The following WDR45 variants were observed in gnomAD, a reference collection of about 807,000 sequenced individuals.
The protein encoded by WDR45 is WD repeat domain phosphoinositide-interacting protein 4.
Under a neutral mutation model 27.3 loss-of-function variants are expected in WDR45, and 2 were observed. The observed-to-expected ratio is 0.07, with a 90% CI of 0.03 to 0.23. The LOEUF is 0.23. WDR45 is among the 10% of genes least tolerant of loss of function. The pLI is 1.00. For synonymous variants in WDR45, 99 were observed against 119.2 expected (o/e 0.83, Z 1.11); for missense variants, 175 against 311.9 (o/e 0.56, Z 3.31).
rs781935140 is a variant in WDR45 at position 49,075,893 on chromosome X, T to C, written c.489A>G (p.Gly163=). 1 of 1,207,589 alleles carries C rather than the reference T, an allele frequency of 8.3e-7. No individual in the cohort carries two copies. The highest frequency in any genetic ancestry group is 1.1e-6 in the Non-Finnish European group (1 of 894,543). The change falls in exon 7 of 11, where the codon GGA becomes GGG. Residue 163 remains glycine (G), a synonymous_variant. Transcript: ENST00000376372. The stretch of plus-strand genomic sequence containing the variant: ...CAAGTTGCAGACTCCCACACTTGTG[T>C]CCCGGGAACACTAGCAGTTGCTTCT... ...SLEKQLLVFP[G]HKCGSLQLVD... is the part of the protein sequence containing the mutation.
At chrX:49,095,422 CCTGAGT>C (rs1450047389) in intron 2 of WDR45, among the ~76,000 whole-genome samples, 2 of 109,298 alleles carry the variant, frequency 1.8e-5, no homozygotes, top group African/African-American at 6.6e-5. Context: ...GGGCGAGCCT[CCTGAGT>C]AGCTGAGACT....
chrX:49,078,091 G>C lies in WDR45; in HGVS notation c.5C>G (p.Thr2Ser). Residue 2 changes from threonine to serine, a missense_variant, in exon 2 of 11, where the codon ACT (threonine) becomes AGT (serine). Physicochemically the swap from Thr to Ser is moderately conservative, Grantham distance 58. This residue lies in a region of WDR45 where 102 missense variants were observed against 165.4 expected (regional missense o/e 0.62). Transcript: ENST00000376372. ...GGTCACTCCTCGAAGTGGCTGTTGA[G>C]TCATGGTGCAGGATTGTTCCTCTGC... M[T>S]QQPLRGVTSL... is the part of the protein sequence containing the mutation. 8.3e-7 allele frequency: 1 copy of C among 1,211,826 alleles called. No individual in the cohort carries two copies.
chrX:49,087,849 A>G (rs1364125502), intron 2 of WDR45, among the ~76,000 whole-genome samples: 5 of 112,642 alleles, frequency 4.4e-5, no homozygotes, highest in Non-Finnish European at 9.4e-5. Flanking sequence ...GTGAGCCATG[A>G]TTGTGCCACT....
intron 3 of WDR45, 39 bp from the exon 4 acceptor site, chrX:49,077,786 A>G (rs1200470291): frequency 8.3e-7 from 1 of 1,202,671 alleles, no homozygotes; most frequent in Non-Finnish European, 1.1e-6. Flanking sequence ...GTGGGAGCCA[A>G]CGCCCAGCCC....
chrX:49,100,812 A>G (rs782234737), intron 1 of WDR45: 2 of 113,064 alleles, frequency 1.8e-5, no homozygotes, highest in Non-Finnish European at 3.7e-5. Flanking sequence ...CTGTATCCAG[A>G]GACCACAGAG....
intron 2 of WDR45, among the ~76,000 whole-genome samples, chrX:49,096,734 A>AG (rs1185835061): frequency 8.9e-6 from 1 of 112,159 alleles, no homozygotes; most frequent in East Asian, 2.8e-4. Flanking sequence ...ATGAGCCACC[A>AG]GGCTTGGCAA....
chrX:49,088,495 G>A (rs1040683123), intron 2 of WDR45, among the ~76,000 whole-genome samples: 3 of 111,785 alleles, frequency 2.7e-5, no homozygotes, highest in Non-Finnish European at 1.9e-5. Flanking sequence ...AAAAGTGAAG[G>A]CTAAGGCACA....
upstream of WDR45, among the ~76,000 whole-genome samples, chrX:49,084,048 T>A (rs2065078339): frequency 9.6e-6 from 1 of 104,674 alleles, no homozygotes; most frequent in South Asian, 4.2e-4. Flanking sequence ...TTCTTTTTCT[T>A]TTTTCTTTTT....
chrX:49,075,511 G>T (rs2147815260), intron 8 of WDR45, 34 bp downstream of exon 8: 1 of 1,210,293 alleles, frequency 8.3e-7, no homozygotes, highest in Non-Finnish European at 1.1e-6. Context: ...TGTGGTATGG[G>T]GTCACCAGCC....
In WDR45 at chrX:49,074,533, C is replaced by T. The variant is rs934460959; in HGVS notation, c.*270G>A. On this transcript the variant is annotated 3_prime_UTR_variant, in exon 11 of 11. Transcript: ENST00000376372. ...AAAATCCCCAGGTTGGATTAGGGCA[C>T]TCCCTCTGGGTCCCTGGCAATTTCC... is the stretch of plus-strand genomic sequence containing the variant. 5 of 386,805 alleles carry T rather than the reference C, an allele frequency of 1.3e-5. No individual in the cohort carries two copies. Among genetic ancestry groups the T allele is most frequent in the African/African-American group, 7.7e-5 (3 of 39,215 alleles). The allele number at this position is 386,805 out of a possible 1,213,427, so 31.9% of individuals were successfully genotyped here. A position where few individuals can be genotyped will look rare whatever the true frequency, so the allele number is the denominator to read the frequency against.
chrX:49,095,499 T>C lies in WDR45; in HGVS notation c.-18+4706A>G, dbSNP rs782764948. ...TTTTTGAGATGGAGTCTTGCTCTGT[T>C]GTCCAGGCTGGAGTGCAGTGGCACG... On this transcript the variant is annotated intron_variant, in intron 2 of 11. Coordinates refer to the WDR45 transcript ENST00000356463. 1.3e-4 allele frequency among the ~76,000 whole-genome samples: 14 copies of C among 109,791 alleles called. No homozygotes were observed. In the East Asian group the frequency reaches 2.0e-3, roughly 16 times the overall value.
At chrX:49,100,225 TTTC>T (rs1467624588) in exon 2 of WDR45, 1 of 110,213 alleles carries the variant, frequency 9.1e-6, no homozygotes, top group Non-Finnish European at 1.9e-5. Context: ...AATGTAACAA[TTTC>T]TTTTCTTTCT....
chrX:49,076,366 TCTCTGCCC>T, intron 6 of WDR45, 56 bp downstream of exon 6: 1 of 1,111,619 alleles, frequency 9.0e-7, no homozygotes, highest in Non-Finnish European at 1.2e-6. Context: ...TCTTTCCTCA[TCTCTGCCC>T]CTCTGCCCCA....
chrX:49,090,032 A>C (rs1825206089), intron 2 of WDR45, among the ~76,000 whole-genome samples: 1 of 109,824 alleles, frequency 9.1e-6, no homozygotes, highest in Non-Finnish European at 1.9e-5. Context: ...GGTAATGGCT[A>C]TGGGGTTTCC....
At chrX:49,093,407 A>C (rs2065114125) in intron 2 of WDR45, among the ~76,000 whole-genome samples, 1 of 110,811 alleles carries the variant, frequency 9.0e-6, no homozygotes, top group African/African-American at 3.3e-5. Context: ...CTGGGATTAC[A>C]GGCTTGAGCC....
At chrX:49,076,143 A>C (rs1326073598) in intron 6 of WDR45, 198 bp from the exon 7 acceptor site, 1 of 466,950 alleles carries the variant, frequency 2.1e-6, no homozygotes, top group Non-Finnish European at 3.7e-6. Context: ...GGAATCTAGT[A>C]AGCTGCTATC....
upstream of WDR45, among the ~76,000 whole-genome samples, chrX:49,081,597 C>T (rs1275469426): frequency 9.3e-6 from 1 of 107,333 alleles, no homozygotes; most frequent in Non-Finnish European, 1.9e-5. Flanking sequence ...GAGGCTGAGG[C>T]AGGAGAACCA....
chrX:49,099,556 C>A (rs781931931), intron 2 of WDR45, among the ~76,000 whole-genome samples: 1 of 110,228 alleles, frequency 9.1e-6, no homozygotes, highest in Non-Finnish European at 1.9e-5. Context: ...CTGAGGCAGG[C>A]GGATCACGAG....
intron 2 of WDR45, among the ~76,000 whole-genome samples, chrX:49,089,612 T>C (rs781809702): frequency 1.8e-5 from 2 of 109,802 alleles, no homozygotes; most frequent in Non-Finnish European, 3.8e-5. Context: ...CCAGGCAATA[T>C]AGTGAGACCC....
Sources: allele counts gnomAD v4.1 joint callset (sites outside exome capture counted in the v4.1 genomes callset), GRCh38; gene constraint gnomAD v4.1.1; regional missense constraint gnomAD v4.1.1; transcripts MANE v1.5; gene names NCBI Gene and HGNC (gene_info 2026-07-23, HGNC 2026-07-21).